The following MCM6 variants were observed in gnomAD, a reference collection of about 807,000 sequenced individuals.
MCM6 encodes the protein minichromosome maintenance complex component 6, also known as DNA replication licensing factor MCM6.
In MCM6, 46 loss-of-function variants were observed where a neutral mutation model predicts 94.3. That is an observed-to-expected ratio of 0.49 (90% CI 0.39 to 0.62). MCM6 has a LOEUF of 0.62. MCM6 is among the 20% of genes least tolerant of loss of function. The pLI, the probability that MCM6 is intolerant of heterozygous loss-of-function variation, is 0.00. For missense variants in MCM6, 865 were observed against 1,017.9 expected (o/e 0.85, Z 2.04); for synonymous variants, 335 against 351.9 (o/e 0.95, Z 0.54).
At chr2:135,853,657 C>A (rs1165322555) in intron 11 of MCM6, among the ~76,000 whole-genome samples, 1 of 151,488 alleles carries the variant, frequency 6.6e-6, no homozygotes, top group Non-Finnish European at 1.5e-5. Flanking sequence ...GTAGTGGAGC[C>A]AGGATTTGAA....
At chr2:135,863,284 A>G (rs558091365) in intron 7 of MCM6, among the ~76,000 whole-genome samples, 3 of 152,378 alleles carry the variant, frequency 2.0e-5, no homozygotes, top group African/African-American at 4.8e-5. Flanking sequence ...CATAAATCCA[A>G]TAAGAAGGAA....
chr2:135,876,415 T>C lies in MCM6; in HGVS notation c.-50A>G, dbSNP rs752476775. 8 of 1,500,864 alleles carry C rather than the reference T, an allele frequency of 5.3e-6. No homozygotes were observed. Among genetic ancestry groups the C allele is most frequent in the South Asian group, 1.2e-5 (1 of 83,230 alleles). The allele number at this position is 1,500,864 out of a possible 1,614,324, so 93.0% of individuals were successfully genotyped here. A position where few individuals can be genotyped will look rare whatever the true frequency, so the allele number is the denominator to read the frequency against. ...CTGCGCCACGCTCGACCGCCACAAG[T>C]CGCTTTTTTCCAGACGCTGCAGCTT... is the stretch of plus-strand genomic sequence containing the variant. On this transcript the variant is annotated 5_prime_UTR_variant, in exon 1 of 17. Coordinates refer to ENST00000264156, the MANE Select transcript of MCM6 (RefSeq NM_005915.6).
At chr2:135,850,181 C>T (rs1679747395) in intron 13 of MCM6, among the ~76,000 whole-genome samples, 1 of 152,150 alleles carries the variant, frequency 6.6e-6, no homozygotes, top group African/African-American at 2.4e-5. Context: ...TTCTGCACAC[C>T]CTTCAGTGAC....
Position 135,859,312 on chromosome 2 carries a change from A to G in MCM6, c.1351T>C (p.Leu451=). The G allele has an allele frequency of 1.9e-6, 3 of 1,613,292 alleles. No homozygotes were observed. The highest frequency in any genetic ancestry group is 2.5e-6 in the Non-Finnish European group (3 of 1,179,582). Residue 451 remains leucine, a synonymous_variant, in exon 9 of 17, where the codon TTG becomes CTG. Transcript: ENST00000264156. ...EFVIEAGALM[L]ADNGVCCIDE... ...TAAAATGTTCTTACATTATCAGCCA[A>G]CATCAAAGCTCCAGCCTCAATGACA...
intron 4 of MCM6, among the ~76,000 whole-genome samples, chr2:135,868,002 G>C (rs1005406564): frequency 6.6e-6 from 1 of 152,056 alleles, no homozygotes; most frequent in African/African-American, 2.4e-5. Flanking sequence ...ACTCCAGCCT[G>C]GGTGACAGAG....
chr2:135,857,720 CAGT>C (rs1325445342), intron 10 of MCM6, among the ~76,000 whole-genome samples, 174 bp downstream of exon 10: 5 of 152,142 alleles, frequency 3.3e-5, no homozygotes, highest in Non-Finnish European at 7.4e-5. Flanking sequence ...TACATTTACA[CAGT>C]ACTCTAAACA....
intron 11 of MCM6, among the ~76,000 whole-genome samples, chr2:135,854,527 C>A (rs1679835852): frequency 5.3e-5 from 1 of 18,922 alleles, no homozygotes; most frequent in Admixed American, 7.0e-4. Flanking sequence ...GAGACTCCAT[C>A]TCAAAAAAAA....
intron 9 of MCM6, 117 bp from the exon 10 acceptor site, chr2:135,858,121 G>A: frequency 1.2e-6 from 1 of 868,082 alleles, no homozygotes; most frequent in African/African-American, 1.6e-5. Flanking sequence ...CTAAGGCCGG[G>A]CATTTGAGGT....
intron 4 of MCM6, 55 bp downstream of exon 4, chr2:135,868,556 G>C: frequency 6.4e-6 from 10 of 1,570,088 alleles, no homozygotes; most frequent in Non-Finnish European, 7.0e-6. Context: ...CAAGGGCCTA[G>C]AAGTGAATTA....
chr2:135,852,953 C>G (rs756746370), intron 11 of MCM6, 38 bp from the exon 12 acceptor site: 1 of 1,554,736 alleles, frequency 6.4e-7, no homozygotes, highest in Non-Finnish European at 8.7e-7. Context: ...ATAGTCACAG[C>G]AATATCTTCT....
intron 15 of MCM6, 89 bp downstream of exon 15, chr2:135,846,148 C>A: frequency 7.5e-7 from 1 of 1,335,620 alleles, no homozygotes; most frequent in Non-Finnish European, 1.1e-6. Flanking sequence ...TCCGACAGAA[C>A]AACACGAAGT....
Position 135,868,827 on chromosome 2 carries a change from C to A in MCM6, c.399G>T (p.Leu133Phe), listed in dbSNP as rs1249601475. The change falls in exon 4 of 17, where the codon TTG becomes TTT. Residue 133 changes from leucine to phenylalanine, a missense_variant. This residue lies in a region of MCM6 where 404 missense variants were observed against 451.9 expected (regional missense o/e 0.89). Coordinates refer to ENST00000264156, the MANE Select transcript of MCM6 (RefSeq NM_005915.6). ...IRELTSSRIG[L>F]LTRISGQVVR... is the part of the protein sequence containing the mutation. ...CCACCTGCCCACTGATGCGAGTGAG[C>A]AAACCAATTCTGGATGAGGTGAGCT... 1 of 1,614,146 alleles carries A rather than the reference C, an allele frequency of 6.2e-7. No individual in the cohort carries two copies.
At position 135,866,147 on chromosome 2, in the gene MCM6, C is replaced by T. The variant is rs3087353; in HGVS notation, c.912G>A (p.Ala304=). The change falls in exon 6 of 17, where the codon GCG becomes GCA. Residue 304 remains alanine, a synonymous_variant. Coordinates refer to ENST00000264156, the MANE Select transcript of MCM6 (RefSeq NM_005915.6). Reference sequence around the variant, plus strand: ...AACGACTGACCCTTGGGTTGGTTGGCGCAACACAGCAGGCAAGAAAGACCA... The same window carrying T: ...AACGACTGACCCTTGGGTTGGTTGGTGCAACACAGCAGGCAAGAAAGACCA... ...YRLVFLACCV[A]PTNPRFGGKE... 10,433 of 1,613,962 alleles carry T rather than the reference C, an allele frequency of 6.5e-3. 689 individuals carry two copies. The East Asian group carries it at 0.16, about 25-fold the overall frequency.
At chr2:135,847,975 G>C in intron 14 of MCM6, 78 bp downstream of exon 14, 1 of 1,079,050 alleles carries the variant, frequency 9.3e-7, no homozygotes, top group Non-Finnish European at 1.4e-6. Context: ...CCAACAGCAG[G>C]TGTACTTCTA....
chr2:135,844,558 C>G lies in MCM6; in HGVS notation c.2336G>C (p.Arg779Pro). The G allele has an allele frequency of 6.4e-7, 1 of 1,570,182 alleles. No individual in the cohort carries two copies. Among genetic ancestry groups the G allele is most frequent in the Non-Finnish European group, 8.6e-7 (1 of 1,160,624 alleles). The change falls in exon 16 of 17, where the codon CGA becomes CCA. Residue 779 changes from arginine to proline, a missense_variant. Physicochemically the swap from Arg to Pro is moderately radical, Grantham distance 103. Transcript: ENST00000264156. The stretch of plus-strand genomic sequence containing the variant: ...TTCTGCACCTACATAGTGTGTGAGT[C>G]GATGAATAACTTTCTCTATGATTCT... ...KKRIIEKVIHRLTHYDHVLIE... is the reference protein window; with the variant it reads ...KKRIIEKVIHPLTHYDHVLIE...
intron 16 of MCM6, among the ~76,000 whole-genome samples, chr2:135,842,295 T>TAC (rs1175207548): frequency 6.6e-6 from 1 of 152,102 alleles, no homozygotes; most frequent in Non-Finnish European, 1.5e-5. Context: ...TAGCTGTTCT[T>TAC]ACACCTCCCT....
At chr2:135,866,381 G>A (rs2105589014) in intron 5 of MCM6, 104 bp from the exon 6 acceptor site, 2 of 1,454,214 alleles carry the variant, frequency 1.4e-6, no homozygotes, top group Middle Eastern at 1.8e-4. Flanking sequence ...CTTCACTTAA[G>A]CCTTGAATAC....
chr2:135,862,123 A>G (rs1006069003), intron 8 of MCM6, among the ~76,000 whole-genome samples: 1 of 152,140 alleles, frequency 6.6e-6, no homozygotes, highest in Non-Finnish European at 1.5e-5. Flanking sequence ...TATACCAACA[A>G]AAAAAGACAA....
intron 16 of MCM6, 92 bp from the exon 17 acceptor site, chr2:135,841,043 T>C: frequency 1.1e-6 from 1 of 891,442 alleles, no homozygotes; most frequent in Non-Finnish European, 1.8e-6. Context: ...GAGTGTTTGC[T>C]ATCAACATTT....
Sources: allele counts gnomAD v4.1 joint callset (sites outside exome capture counted in the v4.1 genomes callset), GRCh38; gene constraint gnomAD v4.1.1; regional missense constraint gnomAD v4.1.1; transcripts MANE v1.5; gene names NCBI Gene and HGNC (gene_info 2026-07-23, HGNC 2026-07-21).